RTTN: variants seen among roughly 807,000 people sequenced by gnomAD.
The protein encoded by RTTN is rotatin.
RTTN carries 182 observed loss-of-function variants against 269.2 expected under a neutral mutation model. The ratio of observed to expected loss-of-function variants is 0.68; its 90% CI spans 0.60 to 0.76. The LOEUF (loss-of-function observed/expected upper bound fraction) is 0.76, where lower values mean the gene tolerates loss of function less well. RTTN is among the 30% of genes least tolerant of loss of function. RTTN has a pLI of 0.00. For missense variants in RTTN, 2,545 were observed against 2,608.6 expected (o/e 0.98, Z 0.53); for synonymous variants, 1,006 against 963.5 (o/e 1.04, Z -0.82).
chr18:70,134,611 CT>C, intron 22 of RTTN, 70 bp from the exon 23 acceptor site: 1 of 1,027,838 alleles, frequency 9.7e-7, no homozygotes, highest in Non-Finnish European at 1.5e-6. Flanking sequence ...ACAAATACAA[CT>C]TACCTCACTT....
intron 46 of RTTN, among the ~76,000 whole-genome samples, chr18:70,012,419 T>G (rs1183736002): frequency 2.0e-5 from 3 of 148,030 alleles, no homozygotes; most frequent in Non-Finnish European, 4.5e-5. Flanking sequence ...TGGTATTGGT[T>G]AGAGGGCAGC....
chr18:70,006,980 A>G (rs942695707), intron 46 of RTTN: 14 of 153,786 alleles, frequency 9.1e-5, no homozygotes, highest in African/African-American at 3.4e-4. Flanking sequence ...AAGATGGCTC[A>G]ATAGGAAGCT....
In RTTN at chr18:70,114,520, ACAGCAGTCCGGATATCAT is replaced by A; in HGVS notation, c.3590_3607del (p.Asp1197_Ala1202del). On this transcript the variant is annotated inframe_deletion, in exon 27 of 49. Coordinates refer to ENST00000640769, the MANE Select transcript of RTTN (RefSeq NM_173630.4). Reference sequence around the variant, plus strand: ...CAGTTCTTTCTGAAGTTGTTGCCTGACAGCAGTCCGGATATCATCTGTTTCTTCTCGTGCCTGTGACTC... The same window carrying A: ...CAGTTCTTTCTGAAGTTGTTGCCTGACTGTTTCTTCTCGTGCCTGTGACTC... 6.2e-7 allele frequency: 1 copy of A among 1,613,738 alleles called. No homozygotes were observed. The highest frequency in any genetic ancestry group is 8.5e-7 in the Non-Finnish European group (1 of 1,179,678).
In RTTN at chr18:70,109,634, T is replaced by C; in HGVS notation, c.3767A>G (p.His1256Arg). Residue 1256 changes from histidine (H) to arginine (R), a missense_variant, in exon 28 of 49, where the codon CAT becomes CGT. His to Arg is a conservative substitution (Grantham distance 29). Transcript: ENST00000640769. Reference protein sequence around the residue: ...LQCLKVTDAPHFYGLPSLERT... With the variant: ...LQCLKVTDAPRFYGLPSLERT... Reference sequence around the variant, plus strand: ...CTCAAGGGACGGCAGGCCATAGAAATGAGGCGCATCCGTCACTTTCAGACA... The same window carrying C: ...CTCAAGGGACGGCAGGCCATAGAAACGAGGCGCATCCGTCACTTTCAGACA... The C allele has an allele frequency of 1.2e-6, 2 of 1,613,834 alleles. No individual in the cohort carries two copies. Among genetic ancestry groups the C allele is most frequent in the Non-Finnish European group, 1.7e-6 (2 of 1,179,974 alleles).
chr18:70,168,855 C>A lies in RTTN; in HGVS notation c.1689G>T (p.Glu563Asp). 1 of 1,596,298 alleles carries A rather than the reference C, an allele frequency of 6.3e-7. No individual in the cohort carries two copies. ...TCNFLSDIGK[E>D]GEKNLLELVE... is the part of the protein sequence containing the mutation. ...AAGAGATATTAAAAAAGCTTTTTAC[C>A]TCTTTCCCAATATCAGACAGGAAGT... Residue 563 changes from glutamate to aspartate, a missense_variant and splice_region_variant, in exon 12 of 49, where the codon GAG becomes GAT. Physicochemically the swap from Glu to Asp is conservative, Grantham distance 45 (BLOSUM62 2). Coordinates refer to ENST00000640769, the MANE Select transcript of RTTN (RefSeq NM_173630.4).
chr18:70,071,719 C>T (rs545318803), intron 34 of RTTN, among the ~76,000 whole-genome samples: 7 of 152,164 alleles, frequency 4.6e-5, no homozygotes, highest in East Asian at 3.9e-4. Flanking sequence ...TGCCAAACAA[C>T]GGAACTAATA....
At chr18:70,028,553 T>G (rs2056918587) in intron 43 of RTTN, among the ~76,000 whole-genome samples, 171 bp downstream of exon 43, 1 of 152,166 alleles carries the variant, frequency 6.6e-6, no homozygotes, top group South Asian at 2.1e-4. Context: ...GAATAATGAT[T>G]AGATACACAC....
rs774113693 is a variant in RTTN, at chr18:70,005,277, T to A, written c.6526-10A>T. ...TCAAAGCTGTTTTTGCCTAGAACAATCCATTAATTAGGTTTCTTGCCATGT... is the reference window on the plus strand; with the variant it reads ...TCAAAGCTGTTTTTGCCTAGAACAAACCATTAATTAGGTTTCTTGCCATGT... On this transcript the variant is annotated splice_polypyrimidine_tract_variant and intron_variant, in intron 47 of 48. Coordinates refer to ENST00000640769, the MANE Select transcript of RTTN (RefSeq NM_173630.4). The A allele has an allele frequency of 4.0e-5, 64 of 1,607,418 alleles. No homozygotes were observed. Among genetic ancestry groups the A allele is most frequent in the Non-Finnish European group, 5.4e-5 (63 of 1,175,254 alleles).
intron 28 of RTTN, among the ~76,000 whole-genome samples, chr18:70,104,307 T>G (rs1361973696): frequency 1.3e-5 from 2 of 152,188 alleles, no homozygotes; most frequent in Non-Finnish European, 2.9e-5. Context: ...GCATATGTCA[T>G]GTAGTTCTTG....
intron 30 of RTTN, 29 bp downstream of exon 30, chr18:70,092,081 C>T: frequency 3.5e-6 from 5 of 1,448,220 alleles, no homozygotes; most frequent in Non-Finnish European, 4.8e-6. Context: ...AATCTAAACA[C>T]AATACACTTG....
intron 18 of RTTN, among the ~76,000 whole-genome samples, chr18:70,143,622 G>T (rs567319685): frequency 2.0e-5 from 3 of 151,954 alleles, no homozygotes; most frequent in African/African-American, 7.3e-5. Context: ...GGCGGGAGAG[G>T]ATCTGAAAAA....
chr18:70,204,355 A>C, intron 2 of RTTN, 92 bp from the exon 3 acceptor site: 1 of 1,266,326 alleles, frequency 7.9e-7, no homozygotes, highest in Non-Finnish European at 1.1e-6. Context: ...TTGGTATATC[A>C]GATGTTCCTT....
At chr18:70,185,218 T>C (rs2061520147) in intron 10 of RTTN, among the ~76,000 whole-genome samples, 7 of 151,978 alleles carry the variant, frequency 4.6e-5, no homozygotes, top group Admixed American at 4.6e-4. Flanking sequence ...ATCAAAGATA[T>C]AAAACCTAAA....
chr18:70,190,767 A>C, intron 8 of RTTN, 48 bp from the exon 9 acceptor site: 1 of 1,394,048 alleles, frequency 7.2e-7, no homozygotes, highest in Non-Finnish European at 1.0e-6. Context: ...ACAATCCCCA[A>C]ACAGATTTAC....
At chr18:70,134,588 C>A in intron 22 of RTTN, 47 bp from the exon 23 acceptor site, 1 of 1,343,748 alleles carries the variant, frequency 7.4e-7, no homozygotes, top group Non-Finnish European at 1.0e-6. Flanking sequence ...CTGAGTAGAC[C>A]AAGTTTTGTC....
At position 70,013,100 on chromosome 18, in the gene RTTN, G is replaced by A. The variant is rs1361077162; in HGVS notation, c.6421+4307C>T. ...CACTATCTGATGCCCTTTGGTTGTC[G>A]TGTATCATAACCTACCCAGAACCAA... On this transcript the variant is annotated intron_variant, in intron 46 of 48. Transcript: ENST00000640769. Among the ~76,000 whole-genome samples, 3 of 152,086 alleles carry A rather than the reference G, an allele frequency of 2.0e-5. No individual in the cohort carries two copies. The East Asian group carries it at 5.8e-4, about 29-fold the overall frequency.
chr18:70,114,637 T>C, intron 26 of RTTN, 38 bp from the exon 27 acceptor site: 1 of 1,587,234 alleles, frequency 6.3e-7, no homozygotes, highest in Non-Finnish European at 8.6e-7. Flanking sequence ...ATTTACTAAT[T>C]GAACTATATA....
At chr18:70,154,044 C>T (rs139610183) in intron 14 of RTTN, among the ~76,000 whole-genome samples, 2,653 of 152,090 alleles carry the variant, frequency 0.017, 28 homozygotes, top group South Asian at 0.039. Flanking sequence ...GATAATAAGG[C>T]GAGTTTTAAC....
At chr18:70,087,363 C>G (rs2058728227) in intron 31 of RTTN, among the ~76,000 whole-genome samples, 2 of 152,058 alleles carry the variant, frequency 1.3e-5, no homozygotes, top group Non-Finnish European at 2.9e-5. Context: ...CAAGAAGCAG[C>G]CATAAATATA....
Sources: gnomAD v4.1 joint callset for allele counts (sites outside exome capture counted in the v4.1 genomes callset) on GRCh38, gnomAD v4.1.1 for gene constraint, MANE v1.5 for transcripts, NCBI Gene and HGNC (gene_info 2026-07-23, HGNC 2026-07-21) for gene names.